EXOC4: variants seen among roughly 807,000 people sequenced by gnomAD.
EXOC4 encodes SEC8-like 1.
In EXOC4, 71 loss-of-function variants were observed where a neutral mutation model predicts 107.2. The observed-to-expected ratio is 0.66, with a 90% CI of 0.55 to 0.81. The LOEUF is 0.81. Ranked by LOEUF, EXOC4 falls within the 30% of genes least tolerant of loss-of-function variation. EXOC4 has a pLI of 0.00. For synonymous variants in EXOC4, 456 were observed against 441.2 expected (o/e 1.03, Z -0.42); for missense variants, 1,108 against 1,189.6 (o/e 0.93, Z 1.01).
intron 17 of EXOC4, among the ~76,000 whole-genome samples, chr7:134,045,133 A>G (rs910546449): frequency 2.6e-5 from 4 of 152,240 alleles, no homozygotes; most frequent in African/African-American, 7.2e-5. Flanking sequence ...ATTGTTCCAT[A>G]TAATTATGGT....
chr7:133,881,288 A>C (rs1051990868), intron 11 of EXOC4, among the ~76,000 whole-genome samples: 2 of 137,234 alleles, frequency 1.5e-5, no homozygotes, highest in East Asian at 2.1e-4. Flanking sequence ...TCCCCCACAT[A>C]CCCCCTTCAC....
Position 133,917,713 on chromosome 7 carries a change from A to G in EXOC4, c.2002A>G (p.Arg668Gly). The G allele has an allele frequency of 6.2e-7, 1 of 1,614,134 alleles. No homozygotes were observed. Among genetic ancestry groups the G allele is most frequent in the East Asian group, 2.2e-5 (1 of 44,860 alleles). Reference protein sequence around the residue: ...MAQPKQLRPKREEEEDFIRAA... With the variant: ...MAQPKQLRPKGEEEEDFIRAA... ...TCAACCCAAACAGCTGAGGCCAAAAAGAGAGGAGGAAGAAGATTTCATAAG... is the reference window on the plus strand; with the variant it reads ...TCAACCCAAACAGCTGAGGCCAAAAGGAGAGGAGGAAGAAGATTTCATAAG... The change falls in exon 13 of 18, where the codon AGA becomes GGA. Residue 668 changes from arginine (R) to glycine (G), a missense_variant. Physicochemically the swap from Arg to Gly is moderately radical, Grantham distance 125 (BLOSUM62 -2). Coordinates refer to ENST00000253861, the MANE Select transcript of EXOC4 (RefSeq NM_021807.4).
At chr7:134,043,303 C>G (rs1027567688) in intron 17 of EXOC4, among the ~76,000 whole-genome samples, 1 of 152,134 alleles carries the variant, frequency 6.6e-6, no homozygotes, top group Admixed American at 6.5e-5. Context: ...TAATTATTTT[C>G]TTAATGACAC....
intron 9 of EXOC4, among the ~76,000 whole-genome samples, chr7:133,578,776 T>G: frequency 6.6e-6 from 1 of 152,164 alleles, no homozygotes; most frequent in East Asian, 1.9e-4. Flanking sequence ...AACAAATCTT[T>G]AATAGTGTTA....
At chr7:134,031,861 C>G (rs1406920149) in intron 17 of EXOC4, among the ~76,000 whole-genome samples, 1 of 152,162 alleles carries the variant, frequency 6.6e-6, no homozygotes, top group Non-Finnish European at 1.5e-5. Context: ...TCATTTGTTG[C>G]TGAATCTCTC....
intron 10 of EXOC4, among the ~76,000 whole-genome samples, chr7:133,674,772 A>G (rs1794020657): frequency 6.6e-6 from 1 of 152,208 alleles, no homozygotes; most frequent in East Asian, 1.9e-4. Flanking sequence ...TATAATAAAT[A>G]ATAGGTCCCT....
rs553037658 is a variant in EXOC4, at chr7:133,438,666, G to A, written c.1183-36662G>A. ...AGTTTTAATGAGGTGGTCTACTGAG[G>A]CAGTCCACTATGACTACCACCTGCT... On this transcript the variant is annotated intron_variant, in intron 7 of 17. Transcript: ENST00000253861. Among the ~76,000 whole-genome samples, 153 of 152,120 alleles carry A rather than the reference G, an allele frequency of 1.0e-3. 1 individual carries two copies. The highest frequency in any genetic ancestry group is 1.5e-3 in the Non-Finnish European group (101 of 68,008).
chr7:133,940,790 T>G lies in EXOC4; in HGVS notation c.2206+2721T>G, dbSNP rs78156053. 2.7e-5 allele frequency among the ~76,000 whole-genome samples: 4 copies of G among 149,352 alleles called. No individual in the cohort carries two copies. In the East Asian group the frequency reaches 7.8e-4, roughly 29 times the overall value. Reference sequence around the variant, plus strand: ...CAGCTTTTTATTATTTTTTTTTTTTTGAAAAGTGAACCAAATGATTACTGC... The same window carrying G: ...CAGCTTTTTATTATTTTTTTTTTTTGGAAAAGTGAACCAAATGATTACTGC... On this transcript the variant is annotated intron_variant, in intron 14 of 17. Coordinates refer to ENST00000253861, the MANE Select transcript of EXOC4 (RefSeq NM_021807.4).
At position 133,939,394 on chromosome 7, in the gene EXOC4, C is replaced by T. The variant is rs536993415; in HGVS notation, c.2206+1325C>T. Among the ~76,000 whole-genome samples the T allele has an allele frequency of 7.6e-4, 116 of 152,316 alleles. 1 individual carries two copies. The highest frequency in any genetic ancestry group is 2.5e-3 in the African/African-American group (105 of 41,574). The stretch of plus-strand genomic sequence containing the variant: ...GCATGGCCTCATGCTGATTCTCTGC[C>T]TATCCCAAGGGCCAATGCAGGGTGG... On this transcript the variant is annotated intron_variant, in intron 14 of 17. Transcript: ENST00000253861.
intron 11 of EXOC4, among the ~76,000 whole-genome samples, chr7:133,881,031 C>A (rs1541710): frequency 6.6e-6 from 1 of 151,974 alleles, no homozygotes; most frequent in Admixed American, 6.5e-5. Flanking sequence ...TAAGTATATT[C>A]ATCTTTTCTG....
intron 7 of EXOC4, among the ~76,000 whole-genome samples, chr7:133,380,359 T>A (rs1796589392): frequency 6.6e-6 from 1 of 152,076 alleles, no homozygotes; most frequent in South Asian, 2.1e-4. Context: ...TATTGAAATA[T>A]AATTTACATG....
chr7:133,548,804 T>C (rs1253819932), intron 9 of EXOC4, among the ~76,000 whole-genome samples: 1 of 152,238 alleles, frequency 6.6e-6, no homozygotes, highest in Non-Finnish European at 1.5e-5. Context: ...TCCAGACCAC[T>C]AAAACTTTCG....
At chr7:133,650,720 G>A (rs1803122945) in intron 10 of EXOC4, among the ~76,000 whole-genome samples, 1 of 152,066 alleles carries the variant, frequency 6.6e-6, no homozygotes, top group Non-Finnish European at 1.5e-5. Flanking sequence ...CAAATCTGGA[G>A]GAGTGGTCTC....
Position 133,917,613 on chromosome 7 carries a change from C to A in EXOC4, c.1902C>A (p.Val634=). 2 of 1,613,992 alleles carry A rather than the reference C, an allele frequency of 1.2e-6. No individual in the cohort carries two copies. Among genetic ancestry groups the A allele is most frequent in the Admixed American group, 1.7e-5 (1 of 60,016 alleles). ...TTGTCCAGTCAGAAGAAAAACTTGT[C>A]ATCAGTGCATCCTGGGCAAAAGATG... is the stretch of plus-strand genomic sequence containing the variant. The part of the protein sequence containing the change: ...RGIVQSEEKL[V]ISASWAKDDD... Residue 634 remains valine (V), a synonymous_variant, in exon 13 of 18, where the codon GTC becomes GTA. Transcript: ENST00000253861.
At chr7:133,696,656 G>A (rs1210777308) in intron 10 of EXOC4, among the ~76,000 whole-genome samples, 1 of 152,016 alleles carries the variant, frequency 6.6e-6, no homozygotes, top group Non-Finnish European at 1.5e-5. Context: ...TGTTGTTGTT[G>A]TTGTTGATAT....
chr7:133,931,515 G>T (rs1045086097), intron 13 of EXOC4, among the ~76,000 whole-genome samples: 1 of 152,048 alleles, frequency 6.6e-6, no homozygotes, highest in Non-Finnish European at 1.5e-5. Flanking sequence ...AGAATATATT[G>T]TTAATAATAT....
At chr7:133,718,114 C>T (rs556954369) in intron 10 of EXOC4, among the ~76,000 whole-genome samples, 15 of 152,202 alleles carry the variant, frequency 9.9e-5, no homozygotes, top group African/African-American at 2.6e-4. Flanking sequence ...CCTCACCCAG[C>T]GTGGGTTAAG....
At chr7:133,948,867 G>A (rs116897865) in intron 14 of EXOC4, among the ~76,000 whole-genome samples, 93 of 152,218 alleles carry the variant, frequency 6.1e-4, no homozygotes, top group Non-Finnish European at 1.1e-3. Context: ...CAGAGTGTCT[G>A]GAAAAACAAC....
At chr7:134,055,603 G>A (rs1357250239) in intron 17 of EXOC4, among the ~76,000 whole-genome samples, 1 of 152,102 alleles carries the variant, frequency 6.6e-6, no homozygotes, top group Non-Finnish European at 1.5e-5. Context: ...AATACAGAAA[G>A]CCCATTACCC....
Sources: gnomAD v4.1 joint callset for allele counts (sites outside exome capture counted in the v4.1 genomes callset) on GRCh38, gnomAD v4.1.1 for gene constraint, MANE v1.5 for transcripts, NCBI Gene and HGNC (gene_info 2026-07-23, HGNC 2026-07-21) for gene names.